ARHGEF26: variants seen among roughly 807,000 people sequenced by gnomAD.
The protein encoded by ARHGEF26 is Rho guanine nucleotide exchange factor 26.
Under a neutral mutation model 89.4 loss-of-function variants are expected in ARHGEF26, and 59 were observed. The observed-to-expected ratio is 0.66, with a 90% CI of 0.54 to 0.82. ARHGEF26 has a LOEUF of 0.82. Ranked by LOEUF, ARHGEF26 falls within the 40% of genes least tolerant of loss-of-function variation. ARHGEF26 has a pLI of 0.00. For missense variants in ARHGEF26, 1,234 were observed against 1,085.6 expected, an observed-to-expected ratio of 1.14 and a Z score of -1.92; for synonymous variants, 500 against 428.4, an observed-to-expected ratio of 1.17 and a Z score of -2.06.
intron 12 of ARHGEF26, among the ~76,000 whole-genome samples, chr3:154,244,246 A>T (rs1010083533): frequency 1.3e-5 from 2 of 152,246 alleles, no homozygotes; most frequent in Non-Finnish European, 2.9e-5. Flanking sequence ...ACCTGAGGAT[A>T]TACAACATGT....
intron 6 of ARHGEF26, 65 bp from the exon 7 acceptor site, chr3:154,187,620 C>A: frequency 7.3e-7 from 1 of 1,370,782 alleles, no homozygotes; most frequent in Admixed American, 2.3e-5. Context: ...TTACATGAGG[C>A]TAATCTGTTA....
intron 12 of ARHGEF26, among the ~76,000 whole-genome samples, chr3:154,245,137 C>G (rs549486965): frequency 6.6e-6 from 1 of 152,332 alleles, no homozygotes; most frequent in African/African-American, 2.4e-5. Context: ...AAGTGATTCT[C>G]CTGCCTCAGC....
At chr3:154,251,913 C>T (rs1026377448) in intron 12 of ARHGEF26, among the ~76,000 whole-genome samples, 4 of 152,098 alleles carry the variant, frequency 2.6e-5, no homozygotes, top group Non-Finnish European at 4.4e-5. Flanking sequence ...GAGCTGTACA[C>T]GCTTATGATT....
intron 12 of ARHGEF26, among the ~76,000 whole-genome samples, chr3:154,242,762 A>G (rs1167133979): frequency 6.6e-6 from 1 of 152,142 alleles, no homozygotes; most frequent in Non-Finnish European, 1.5e-5. Context: ...CTGTGGTCTT[A>G]AGAAACGGCC....
At chr3:154,212,796 T>C (rs1036078921) in intron 9 of ARHGEF26, among the ~76,000 whole-genome samples, 3 of 152,090 alleles carry the variant, frequency 2.0e-5, no homozygotes, top group Admixed American at 6.5e-5. Context: ...CAGCCAGTAA[T>C]GCTCACTTGC....
chr3:154,257,164 A>C lies in ARHGEF26; in HGVS notation c.*1691A>C. 3.4e-6 allele frequency: 2 copies of C among 580,478 alleles called. No individual in the cohort carries two copies. The highest frequency in any genetic ancestry group is 5.6e-6 in the Non-Finnish European group (2 of 355,038). The allele number at this position is 580,478 out of a possible 1,614,324, so 36.0% of individuals were successfully genotyped here. On this transcript the variant is annotated 3_prime_UTR_variant, in exon 15 of 15. Coordinates refer to ENST00000465093, the MANE Select transcript of ARHGEF26 (RefSeq NM_015595.4). ...CACCCTGTCACCTCGGCAATGAGCC[A>C]GTGTGGGGCACTGGGGACTTCTAAC...
chr3:154,253,842 G>C (rs944052403), intron 13 of ARHGEF26, among the ~76,000 whole-genome samples: 24 of 152,124 alleles, frequency 1.6e-4, no homozygotes, highest in Non-Finnish European at 3.1e-4. Context: ...AAAAATTATA[G>C]CTTTAAGCTT....
rs767361477 is a variant in ARHGEF26 at position 154,122,511 on chromosome 3, C to A, written c.519C>A (p.Pro173=). 6.2e-7 allele frequency: 1 copy of A among 1,613,248 alleles called. No homozygotes were observed. Among genetic ancestry groups the A allele is most frequent in the Admixed American group, 1.7e-5 (1 of 59,994 alleles). The change falls in exon 2 of 15, where the codon CCC becomes CCA. Residue 173 remains proline, a synonymous_variant. Transcript: ENST00000465093. ...TGACTGCCAGCCCGGTGCCTTCGCC[C>A]ACTGCAAATGGCCTTGCCGCTAATA... ...TGLTASPVPS[P]TANGLAANND... is the part of the protein sequence containing the mutation.
intron 3 of ARHGEF26, among the ~76,000 whole-genome samples, chr3:154,126,977 G>A (rs1318899517): frequency 6.6e-6 from 1 of 152,122 alleles, no homozygotes; most frequent in Non-Finnish European, 1.5e-5. Context: ...AATGATATTT[G>A]TGTATCTAAG....
chr3:154,218,742 G>A (rs1344254801), intron 10 of ARHGEF26, among the ~76,000 whole-genome samples: 1 of 152,206 alleles, frequency 6.6e-6, no homozygotes, highest in Non-Finnish European at 1.5e-5. Flanking sequence ...TCTCTGCCAT[G>A]TCATGTAGTT....
At chr3:154,196,911 G>A (rs1714327143) in intron 9 of ARHGEF26, among the ~76,000 whole-genome samples, 1 of 151,654 alleles carries the variant, frequency 6.6e-6, no homozygotes. Flanking sequence ...TTTGCACAGA[G>A]AAAAAAATAG....
At chr3:154,141,671 T>A (rs373219216) in intron 4 of ARHGEF26, among the ~76,000 whole-genome samples, 1 of 152,242 alleles carries the variant, frequency 6.6e-6, no homozygotes, top group African/African-American at 2.4e-5. Context: ...TTTTACCTTA[T>A]AAACCAGTAT....
At chr3:154,238,591 C>T (rs962067996) in intron 11 of ARHGEF26, among the ~76,000 whole-genome samples, 1 of 152,100 alleles carries the variant, frequency 6.6e-6, no homozygotes, top group African/African-American at 2.4e-5. Flanking sequence ...GGACTAGGCA[C>T]AAGGAGTTTT....
At position 154,219,573 on chromosome 3, in the gene ARHGEF26, C is replaced by CA. The variant is rs1204442217; in HGVS notation, c.1935+1619dup. Reference sequence around the variant, plus strand: ...TCTCACCACTGCACTCCAGCCTGGGCAAAAGAGCAAGACTCTTAAAAAAAA... The same window carrying CA: ...TCTCACCACTGCACTCCAGCCTGGGCAAAAAGAGCAAGACTCTTAAAAAAAA... On this transcript the variant is annotated intron_variant, in intron 10 of 14. Transcript: ENST00000465093. Among the ~76,000 whole-genome samples, 2 of 146,070 alleles carry CA rather than the reference C, an allele frequency of 1.4e-5. 1 individual carries two copies. Among genetic ancestry groups the CA allele is most frequent in the Non-Finnish European group, 3.0e-5 (2 of 66,936 alleles).
intron 6 of ARHGEF26, among the ~76,000 whole-genome samples, chr3:154,173,569 T>A (rs1468851558): frequency 6.6e-6 from 1 of 152,216 alleles, no homozygotes; most frequent in Non-Finnish European, 1.5e-5. Flanking sequence ...ATTGCAGCAA[T>A]TAATTCGTTC....
chr3:154,135,585 G>A (rs1266694052), intron 4 of ARHGEF26, among the ~76,000 whole-genome samples: 17 of 152,148 alleles, frequency 1.1e-4, no homozygotes, highest in Admixed American at 8.5e-4. Flanking sequence ...CCTGCTGCAC[G>A]CAGGTAAATC....
At chr3:154,126,340 A>T (rs183577512) in intron 3 of ARHGEF26, among the ~76,000 whole-genome samples, 1 of 152,180 alleles carries the variant, frequency 6.6e-6, no homozygotes, top group Admixed American at 6.5e-5. Context: ...CTAAACCTGA[A>T]TCTCTTCTGG....
intron 9 of ARHGEF26, among the ~76,000 whole-genome samples, chr3:154,198,465 A>T (rs1347638600): frequency 6.6e-6 from 1 of 152,192 alleles, no homozygotes; most frequent in African/African-American, 2.4e-5. Context: ...TTGCAAAAAT[A>T]TGGAACTAAT....
intron 6 of ARHGEF26, among the ~76,000 whole-genome samples, chr3:154,161,166 C>G (rs537940066): frequency 1.3e-5 from 2 of 151,250 alleles, no homozygotes; most frequent in South Asian, 4.2e-4. Flanking sequence ...CCTTTTCTGT[C>G]AAATAGTGAT....
Sources: gnomAD v4.1 joint callset for allele counts (sites outside exome capture counted in the v4.1 genomes callset) on GRCh38, gnomAD v4.1.1 for gene constraint, MANE v1.5 for transcripts, NCBI Gene and HGNC (gene_info 2026-07-23, HGNC 2026-07-21) for gene names.